RHBDF1: variants seen among roughly 807,000 people sequenced by gnomAD.
RHBDF1 encodes the protein inactive rhomboid protein 1.
RHBDF1 carries 80 observed loss-of-function variants against 98.6 expected under a neutral mutation model. The ratio of observed to expected loss-of-function variants is 0.81; its 90% CI spans 0.68 to 0.98. RHBDF1 has a LOEUF of 0.98. Ranked by LOEUF, RHBDF1 falls within the 50% of genes least tolerant of loss-of-function variation. The pLI, the probability that RHBDF1 is intolerant of heterozygous loss-of-function variation, is 0.00. For synonymous variants in RHBDF1, 512 were observed against 486.8 expected (o/e 1.05, Z -0.68); for missense variants, 1,116 against 1,198.3 (o/e 0.93, Z 1.01).
At chr16:73,838 G>T, upstream of RHBDF1, 2 of 669,556 alleles carry the variant, frequency 3.0e-6, no homozygotes, top group Non-Finnish European at 3.7e-6. Flanking sequence ...TTGCACTTGA[G>T]GGCCCGACGC....
At chr16:68,236 C>G (rs968638511) in intron 1 of RHBDF1, among the ~76,000 whole-genome samples, 1 of 152,222 alleles carries the variant, frequency 6.6e-6, no homozygotes, top group Non-Finnish European at 1.5e-5. Context: ...ATAGGTCCTG[C>G]GGGTGGGCAG....
rs536059853 is a variant in RHBDF1 at position 61,709 on chromosome 16, G to C, written c.1209-13C>G. The C allele has an allele frequency of 3.7e-6, 6 of 1,613,068 alleles. No individual in the cohort carries two copies. The South Asian group carries it at 6.6e-5, about 18-fold the overall frequency. On this transcript the variant is annotated splice_polypyrimidine_tract_variant and intron_variant, in intron 8 of 17. Transcript: ENST00000262316. The stretch of plus-strand genomic sequence containing the variant: ...GGTGAAGAAGGGCCTGCGGGGTGGA[G>C]CGTCAGCGGGGGCCTCATCCCCGAC...
Position 61,960 on chromosome 16 carries a change from C to T in RHBDF1, c.1046G>A (p.Gly349Glu). The T allele has an allele frequency of 1.3e-6, 2 of 1,593,456 alleles. No individual in the cohort carries two copies. The highest frequency in any genetic ancestry group is 1.7e-5 in the Admixed American group (1 of 59,738). Residue 349 changes from glycine to glutamate, a missense_variant, in exon 8 of 18, where the codon GGG (glycine) becomes GAG (glutamate). Physicochemically the swap from Gly to Glu is moderately conservative, Grantham distance 98. Transcript: ENST00000262316. ...CGCGATACGCTGGCCCCGTCGCGGC[C>T]CCGCGGTGCTCACCACCTCCTGTCG... ...RLRQEVVSTAGPRRGQRIAVP... is the reference protein window; with the variant it reads ...RLRQEVVSTAEPRRGQRIAVP...
At chr16:61,302 C>G in intron 10 of RHBDF1, 21 bp from the exon 11 acceptor site, 12 of 1,541,308 alleles carry the variant, frequency 7.8e-6, no homozygotes, top group Admixed American at 2.0e-5. Flanking sequence ...GGGAGACGAG[C>G]GGCCGCAGTC....
intron 1 of RHBDF1, among the ~76,000 whole-genome samples, chr16:69,073 C>G (rs1049873440): frequency 6.6e-6 from 1 of 152,132 alleles, no homozygotes; most frequent in African/African-American, 2.4e-5. Flanking sequence ...GTACTTGGCA[C>G]TCTCTGAGGG....
chr16:67,187 AGGCAGGT>A (rs1373652572), intron 1 of RHBDF1, among the ~76,000 whole-genome samples: 2 of 152,240 alleles, frequency 1.3e-5, no homozygotes, highest in Non-Finnish European at 2.9e-5. Flanking sequence ...CACGTTGGGA[AGGCAGGT>A]GGTGCTCGGC....
In RHBDF1 at chr16:72,619, C is replaced by A. The variant is rs1018741061; in HGVS notation, c.-131G>T. 1.5e-5 allele frequency: 15 copies of A among 974,756 alleles called. No homozygotes were observed. Among genetic ancestry groups the A allele is most frequent in the African/African-American group, 1.8e-5 (1 of 55,864 alleles). The allele number at this position is 974,756 out of a possible 1,614,324, so 60.4% of individuals were successfully genotyped here. A position where few individuals can be genotyped will look rare whatever the true frequency, so the allele number is the denominator to read the frequency against. On this transcript the variant is annotated 5_prime_UTR_variant, in exon 1 of 18. Transcript: ENST00000262316. ...TCCCCGCCCGCCCGCCGGTCCGGCCCGCCCGGGAATGCCCTGGAGCGAGGG... is the reference window on the plus strand; with the variant it reads ...TCCCCGCCCGCCCGCCGGTCCGGCCAGCCCGGGAATGCCCTGGAGCGAGGG...
chr16:60,056 G>A (rs919013527), intron 13 of RHBDF1, 160 bp downstream of exon 13: 80 of 1,490,012 alleles, frequency 5.4e-5, no homozygotes, highest in East Asian at 1.5e-4. Context: ...AGGGGCAGGC[G>A]CTGGTTGATG....
rs528100051 is a variant in RHBDF1, at chr16:70,022, C to A, written c.-25+2491G>T. 2.7e-5 allele frequency among the ~76,000 whole-genome samples: 4 copies of A among 149,128 alleles called. No homozygotes were observed. In the South Asian group the frequency reaches 8.4e-4, roughly 31 times the overall value. ...CAGCACTTGGCAGGAGGGGGGGGGG[C>A]ACTGCCCCAAGGCTCAGCTAGCAAA... On this transcript the variant is annotated intron_variant, in intron 1 of 17. Transcript: ENST00000262316.
chr16:61,768 C>A (rs762370207), intron 8 of RHBDF1, 30 bp downstream of exon 8: 6 of 1,610,624 alleles, frequency 3.7e-6, no homozygotes. Context: ...GAGCCTCCAT[C>A]CCAACCCAGG....
chr16:71,917 C>T (rs1897980354), intron 1 of RHBDF1, among the ~76,000 whole-genome samples: 1 of 152,242 alleles, frequency 6.6e-6, no homozygotes, highest in Non-Finnish European at 1.5e-5. Flanking sequence ...CGCTCCCAGC[C>T]CACCCTGGAG....
In RHBDF1 at chr16:64,989, C is replaced by G. The variant is rs373464227; in HGVS notation, c.27G>C (p.Thr9=). The G allele has an allele frequency of 2.0e-6, 3 of 1,534,128 alleles. No individual in the cohort carries two copies. Among genetic ancestry groups the G allele is most frequent in the Non-Finnish European group, 2.6e-6 (3 of 1,137,986 alleles). The change falls in exon 2 of 18, where the codon ACG becomes ACC. Residue 9 remains threonine, a synonymous_variant. Transcript: ENST00000262316. MSEARRDS[T]SSLQRKKPPW... ...GTGGCTTCTTGCGCTGCAGGCTGCT[C>G]GTGCTGTCCCTGCGGGCCTCACTCA...
rs533720464 is a variant in RHBDF1 at position 62,193 on chromosome 16, A to G, written c.954-141T>C. ...CGGCATCTGCCTTCTCCTTGCCAGTAAAAAAGCAACACTGCGGGCCTCCGG... is the reference window on the plus strand; with the variant it reads ...CGGCATCTGCCTTCTCCTTGCCAGTGAAAAAGCAACACTGCGGGCCTCCGG... On this transcript the variant is annotated intron_variant, in intron 7 of 17. Transcript: ENST00000262316. 180 of 1,239,920 alleles carry G rather than the reference A, an allele frequency of 1.5e-4. 1 individual carries two copies. In the South Asian group the frequency reaches 2.8e-3, roughly 20 times the overall value. The allele number at this position is 1,239,920 out of a possible 1,614,324, so 76.8% of individuals were successfully genotyped here.
chr16:63,315 A>G, intron 4 of RHBDF1, 133 bp from the exon 5 acceptor site: 1 of 758,770 alleles, frequency 1.3e-6, no homozygotes, highest in Non-Finnish European at 2.1e-6. Context: ...CTCTATGGCC[A>G]CCACTCCCAC....
intron 1 of RHBDF1, among the ~76,000 whole-genome samples, chr16:65,926 C>G (rs1024864983): frequency 1.3e-5 from 2 of 152,212 alleles, no homozygotes; most frequent in African/African-American, 4.8e-5. Context: ...CTTGGCTCTA[C>G]CATGACATGC....
In RHBDF1 at chr16:63,169, AG is replaced by A; in HGVS notation, c.475del (p.Leu159TrpfsTer17). On this transcript the variant is annotated frameshift_variant, in exon 5 of 18. Transcript: ENST00000262316. LOFTEE classifies it high-confidence loss of function. ...QLGMQKIIDP[L>X]ARGRAFRVAD... ...CACACGGAAGGCACGGCCACGGGCCAGGGGGTCTATGATCTGGAGGAGGGGA... is the reference window on the plus strand; with the variant it reads ...CACACGGAAGGCACGGCCACGGGCCAGGGGTCTATGATCTGGAGGAGGGGA... The A allele has an allele frequency of 6.3e-7, 1 of 1,577,284 alleles. No homozygotes were observed. Among genetic ancestry groups the A allele is most frequent in the Non-Finnish European group, 8.6e-7 (1 of 1,162,200 alleles).
intron 1 of RHBDF1, among the ~76,000 whole-genome samples, chr16:66,690 C>A (rs1897838712): frequency 6.6e-6 from 1 of 152,180 alleles, no homozygotes; most frequent in African/African-American, 2.4e-5. Flanking sequence ...AGCTGGGGGG[C>A]AAAGCTTTGG....
intron 1 of RHBDF1, among the ~76,000 whole-genome samples, chr16:69,240 G>C (rs1362699113): frequency 6.6e-6 from 1 of 152,196 alleles, no homozygotes; most frequent in Non-Finnish European, 1.5e-5. Flanking sequence ...ACAGCCAGTG[G>C]AGAGCTGCAT....
intron 1 of RHBDF1, among the ~76,000 whole-genome samples, chr16:68,146 A>G: frequency 6.6e-6 from 1 of 152,138 alleles, no homozygotes; most frequent in Admixed American, 6.5e-5. Flanking sequence ...CTCTACATCC[A>G]GGTCTCCTGG....
Sources: gnomAD v4.1 joint callset for allele counts (sites outside exome capture counted in the v4.1 genomes callset) on GRCh38, gnomAD v4.1.1 for gene constraint, MANE v1.5 for transcripts, NCBI Gene and HGNC (gene_info 2026-07-23, HGNC 2026-07-21) for gene names.